EXOC4: variants seen among roughly 807,000 people sequenced by gnomAD.
The protein encoded by EXOC4 is SEC8-like 1.
Under a neutral mutation model 107.2 loss-of-function variants are expected in EXOC4, and 71 were observed. The observed-to-expected ratio is 0.66, with a 90% CI of 0.55 to 0.81. The LOEUF (loss-of-function observed/expected upper bound fraction) is 0.81, where lower values mean the gene tolerates loss of function less well. EXOC4 is among the 30% of genes least tolerant of loss of function. The pLI is 0.00. For synonymous variants in EXOC4, 456 were observed against 441.2 expected (o/e 1.03, Z -0.42); for missense variants, 1,108 against 1,189.6 (o/e 0.93, Z 1.01).
At chr7:133,690,201 G>A (rs1272667474) in intron 10 of EXOC4, among the ~76,000 whole-genome samples, 2 of 152,066 alleles carry the variant, frequency 1.3e-5, no homozygotes, top group African/African-American at 4.8e-5. Flanking sequence ...GGTGTAGTGC[G>A]GGAGCTCAGT....
At chr7:133,391,106 T>G (rs1167369667) in intron 7 of EXOC4, among the ~76,000 whole-genome samples, 1 of 152,226 alleles carries the variant, frequency 6.6e-6, no homozygotes, top group Non-Finnish European at 1.5e-5. Flanking sequence ...GCCAAAGAGT[T>G]GTGTCACATA....
intron 6 of EXOC4, among the ~76,000 whole-genome samples, chr7:133,371,946 G>A (rs188829037): frequency 5.2e-4 from 79 of 152,206 alleles, no homozygotes; most frequent in African/African-American, 1.8e-3. Flanking sequence ...CGAAATTCTA[G>A]CTCATTGTGA....
At chr7:133,538,974 G>C (rs1480304701) in intron 9 of EXOC4, among the ~76,000 whole-genome samples, 10 of 148,006 alleles carry the variant, frequency 6.8e-5, no homozygotes, top group African/African-American at 2.5e-4. Flanking sequence ...TTTTTTCTTA[G>C]TCTTCTTTAT....
At chr7:133,408,233 A>G (rs1190742425) in intron 7 of EXOC4, among the ~76,000 whole-genome samples, 4 of 100,036 alleles carry the variant, frequency 4.0e-5, no homozygotes, top group Middle Eastern at 6.3e-3. Flanking sequence ...ATGGGTGGGG[A>G]GGGAATGATG....
chr7:133,933,218 A>G (rs1032759573), intron 13 of EXOC4, among the ~76,000 whole-genome samples: 3 of 152,306 alleles, frequency 2.0e-5, no homozygotes, highest in South Asian at 2.1e-4. Flanking sequence ...TAGGTTTAAC[A>G]CTCCTGGCAA....
chr7:133,849,407 A>G (rs933218204), intron 11 of EXOC4, among the ~76,000 whole-genome samples: 3 of 152,230 alleles, frequency 2.0e-5, no homozygotes, highest in Non-Finnish European at 4.4e-5. Context: ...TGATAGATCA[A>G]GATCCTGTCT....
At chr7:133,338,056 T>C (rs2150619044) in intron 5 of EXOC4, among the ~76,000 whole-genome samples, 1 of 151,780 alleles carries the variant, frequency 6.6e-6, no homozygotes, top group East Asian at 1.9e-4. Flanking sequence ...GATTTATTGA[T>C]CAGTTCTACT....
intron 10 of EXOC4, among the ~76,000 whole-genome samples, chr7:133,739,222 T>TGTGTG (rs1795510845): frequency 3.3e-4 from 47 of 142,410 alleles, no homozygotes; most frequent in South Asian, 1.2e-3. Context: ...GTAGAGGGGT[T>TGTGTG]TGTGTGTGTG....
chr7:133,369,939 G>A (rs1796333925), intron 6 of EXOC4, among the ~76,000 whole-genome samples: 1 of 151,552 alleles, frequency 6.6e-6, no homozygotes, highest in Non-Finnish European at 1.5e-5. Flanking sequence ...CGAGTAGCTG[G>A]GATTACAGGC....
rs1491569953 is a variant in EXOC4, at chr7:133,755,312, ATT to A, written c.1515-62012_1515-62011del. Among the ~76,000 whole-genome samples, 67 of 107,788 alleles carry A rather than the reference ATT, an allele frequency of 6.2e-4. No individual in the cohort carries two copies. The Middle Eastern group carries it at 0.016, about 26-fold the overall frequency. 70.7% of individuals were successfully genotyped at this position (107,788 alleles called of 152,430 possible). A position where few individuals can be genotyped will look rare whatever the true frequency, so the allele number is the denominator to read the frequency against. ...TACATATTATATATATTATATATAT[ATT>A]ATATATATATAATATATATATACAC... On this transcript the variant is annotated intron_variant, in intron 10 of 17. Transcript: ENST00000253861.
At chr7:133,862,558 A>G (rs1371241333) in intron 11 of EXOC4, among the ~76,000 whole-genome samples, 1 of 152,126 alleles carries the variant, frequency 6.6e-6, no homozygotes, top group Non-Finnish European at 1.5e-5. Context: ...GGTTTGATTG[A>G]TTGATTGACT....
At position 134,043,091 on chromosome 7, in the gene EXOC4, C is replaced by A. The variant is rs116434429; in HGVS notation, c.2688-21200C>A. On this transcript the variant is annotated intron_variant, in intron 17 of 17. Coordinates refer to ENST00000253861, the MANE Select transcript of EXOC4 (RefSeq NM_021807.4). Reference sequence around the variant, plus strand: ...CTGCCCCTTCCCCCACTGCAGTCTCCCTCATGGGTTCGGATGGTTTTTAAA... The same window carrying A: ...CTGCCCCTTCCCCCACTGCAGTCTCACTCATGGGTTCGGATGGTTTTTAAA... Among the ~76,000 whole-genome samples, 7 of 152,070 alleles carry A rather than the reference C, an allele frequency of 4.6e-5. No homozygotes were observed. In the South Asian group the frequency reaches 1.0e-3, roughly 23 times the overall value.
At position 133,560,150 on chromosome 7, in the gene EXOC4, A is replaced by G. The variant is rs139020795; in HGVS notation, c.1418-69895A>G. 7.2e-5 allele frequency among the ~76,000 whole-genome samples: 11 copies of G among 152,270 alleles called. No individual in the cohort carries two copies. The East Asian group carries it at 2.1e-3, about 29-fold the overall frequency. The stretch of plus-strand genomic sequence containing the variant: ...AACTTTCAAAATATTACTGGCTGGT[A>G]TTTATTCTTCACAATGAAATGTAGA... On this transcript the variant is annotated intron_variant, in intron 9 of 17. Coordinates refer to ENST00000253861, the MANE Select transcript of EXOC4 (RefSeq NM_021807.4).
intron 14 of EXOC4, among the ~76,000 whole-genome samples, chr7:133,954,962 G>T (rs775947885): frequency 1.3e-5 from 2 of 152,254 alleles, no homozygotes; most frequent in Non-Finnish European, 2.9e-5. Context: ...GTACACGGAA[G>T]TTTGGAGACA....
At chr7:133,900,999 G>A (rs6976416) in intron 12 of EXOC4, among the ~76,000 whole-genome samples, 94,447 of 151,808 alleles carry the variant, frequency 0.62, 31,902 homozygotes, top group African/African-American at 0.9. Flanking sequence ...CCTCCCAAAT[G>A]GCTGGGATTA....
chr7:133,457,394 A>G (rs1798487313), intron 7 of EXOC4, among the ~76,000 whole-genome samples: 1 of 152,200 alleles, frequency 6.6e-6, no homozygotes, highest in Non-Finnish European at 1.5e-5. Context: ...CTCACAGACT[A>G]GTCTCATAAC....
intron 7 of EXOC4, among the ~76,000 whole-genome samples, chr7:133,379,663 C>A (rs902592794): frequency 1.3e-5 from 2 of 151,974 alleles, no homozygotes; most frequent in Non-Finnish European, 1.5e-5. Context: ...ATGACCCCCC[C>A]CCATCTTTGG....
chr7:133,285,639 A>G (rs1794257373), intron 2 of EXOC4, among the ~76,000 whole-genome samples: 1 of 152,042 alleles, frequency 6.6e-6, no homozygotes, highest in Non-Finnish European at 1.5e-5. Flanking sequence ...ACATGTCAGA[A>G]TAGTGTGTCT....
chr7:133,484,030 T>C (rs764705877), intron 9 of EXOC4: 2 of 1,613,920 alleles, frequency 1.2e-6, no homozygotes, highest in African/African-American at 2.7e-5. Context: ...AACTTTTCCT[T>C]CCGTTGCAGG....
Sources: allele counts gnomAD v4.1 joint callset (sites outside exome capture counted in the v4.1 genomes callset), GRCh38; gene constraint gnomAD v4.1.1; transcripts MANE v1.5; gene names NCBI Gene and HGNC (gene_info 2026-07-23, HGNC 2026-07-21).